PLEKHA7: variants seen among roughly 807,000 people sequenced by gnomAD.
The protein encoded by PLEKHA7 is pleckstrin homology domain containing A7.
In PLEKHA7, 104 loss-of-function variants were observed where a neutral mutation model predicts 170.0. The observed-to-expected ratio is 0.61, with a 90% confidence interval of 0.52 to 0.72. PLEKHA7 has a LOEUF of 0.72. PLEKHA7 is among the 30% of genes least tolerant of loss of function. PLEKHA7 has a pLI of 0.00. For synonymous variants in PLEKHA7, 648 were observed against 660.8 expected, an observed-to-expected ratio of 0.98 and a Z score of 0.30; for missense variants, 1,615 against 1,671.7, an observed-to-expected ratio of 0.97 and a Z score of 0.59.
chr11:16,877,165 T>C lies in PLEKHA7; in HGVS notation c.222-5983A>G, dbSNP rs551590462. On this transcript the variant is annotated intron_variant, in intron 3 of 26. Transcript: ENST00000531066. ...CCCTCTGGACCTTCTGGTTCCTCAA[T>C]GTGGCTCCCAGAACACTGTAAAAGC... Among the ~76,000 whole-genome samples the C allele has an allele frequency of 3.0e-4, 46 of 152,334 alleles. 2 individuals carry two copies. In the South Asian group the frequency reaches 8.7e-3, roughly 29 times the overall value.
rs1848820776 is a variant in PLEKHA7 at position 16,778,890 on chromosome 11, G to C, written c.*108C>G. 1 of 698,902 alleles carries C rather than the reference G, an allele frequency of 1.4e-6. No homozygotes were observed. The highest frequency in any genetic ancestry group is 1.5e-5 in the South Asian group (1 of 67,384). The allele number at this position is 698,902 out of a possible 1,614,324, so 43.3% of individuals were successfully genotyped here. ...CGGTAAGCTGCTCCTTCCTCCGGCC[G>C]GATTCCCTGCTCAGCTGGAAGGGGT... On this transcript the variant is annotated 3_prime_UTR_variant, in exon 27 of 27. Transcript: ENST00000531066.
intron 3 of PLEKHA7, among the ~76,000 whole-genome samples, chr11:16,874,211 A>G (rs1255188930): frequency 6.6e-6 from 1 of 152,194 alleles, no homozygotes; most frequent in Non-Finnish European, 1.5e-5. Context: ...GATAAATTAT[A>G]AGACTGGGAC....
Position 16,866,605 on chromosome 11 carries a change from A to C in PLEKHA7, c.305+4494T>G, listed in dbSNP as rs532376436. On this transcript the variant is annotated intron_variant, in intron 4 of 26. Transcript: ENST00000531066. Reference sequence around the variant, plus strand: ...GAAACTCTGTCTCAAAAAACAAAAAAGAGGGCAGAGCAGAGTCCATCAGGT... The same window carrying C: ...GAAACTCTGTCTCAAAAAACAAAAACGAGGGCAGAGCAGAGTCCATCAGGT... Among the ~76,000 whole-genome samples the C allele has an allele frequency of 5.3e-5, 8 of 152,336 alleles. No homozygotes were observed. In the East Asian group the frequency reaches 1.5e-3, roughly 29 times the overall value.
intron 3 of PLEKHA7, among the ~76,000 whole-genome samples, chr11:16,934,929 C>T (rs1258029835): frequency 1.3e-5 from 2 of 152,170 alleles, no homozygotes; most frequent in Non-Finnish European, 1.5e-5. Flanking sequence ...ATTTTTCATA[C>T]TTTTCTGTCC....
rs551289332 is a variant in PLEKHA7, at chr11:16,807,701, T to TA, written c.2008-4407_2008-4406insT. ...CCAGAACTGTGGTGCATCTACATGA[T>TA]TATGTCTTACCCATGGTCCCAAATG... On this transcript the variant is annotated intron_variant, in intron 13 of 26. Transcript: ENST00000531066. 4.1e-4 allele frequency among the ~76,000 whole-genome samples: 63 copies of TA among 152,324 alleles called. 1 individual carries two copies. The East Asian group carries it at 0.012, about 29-fold the overall frequency.
chr11:16,903,285 G>A (rs1857452504), intron 3 of PLEKHA7, among the ~76,000 whole-genome samples: 3 of 152,202 alleles, frequency 2.0e-5, no homozygotes, highest in Admixed American at 2.0e-4. Flanking sequence ...ATAACATTAG[G>A]TGATCAGTAG....
intron 3 of PLEKHA7, among the ~76,000 whole-genome samples, chr11:16,923,109 G>C (rs1590626956): frequency 6.6e-6 from 1 of 152,176 alleles, no homozygotes; most frequent in Non-Finnish European, 1.5e-5. Flanking sequence ...CAGTGCCCTA[G>C]GGACCCCGCT....
intron 3 of PLEKHA7, among the ~76,000 whole-genome samples, chr11:16,871,783 C>A (rs1379220594): frequency 2.6e-5 from 4 of 152,126 alleles, no homozygotes; most frequent in Non-Finnish European, 5.9e-5. Context: ...AGCTTCCACA[C>A]CAAGCTGACA....
chr11:16,891,639 G>A (rs1441601978), intron 3 of PLEKHA7, among the ~76,000 whole-genome samples: 1 of 152,158 alleles, frequency 6.6e-6, no homozygotes, highest in Non-Finnish European at 1.5e-5. Context: ...CTAGGACCTT[G>A]GGACTCACTT....
At chr11:16,924,729 T>C (rs961063402) in intron 3 of PLEKHA7, among the ~76,000 whole-genome samples, 2 of 152,106 alleles carry the variant, frequency 1.3e-5, no homozygotes, top group Non-Finnish European at 2.9e-5. Context: ...GCTTAAACCT[T>C]GCCTTGCCAA....
rs1053866525 is a variant in PLEKHA7 at position 16,779,003 on chromosome 11, G to A, written c.3811C>T (p.Pro1271Ser). 1.4e-6 allele frequency: 1 copy of A among 702,506 alleles called. No individual in the cohort carries two copies. The highest frequency in any genetic ancestry group is 1.7e-5 in the African/African-American group (1 of 57,260). 43.5% of individuals were successfully genotyped at this position (702,506 alleles called of 1,614,324 possible). ...KQVAAQAVTDP is the reference protein window; with the variant it reads ...KQVAAQAVTDS ...AGGCTTCTTTGCATGCTGGGTCACG[G>A]GTCAGTCACTGCCTGGGCTGGCAAA... Residue 1271 changes from proline to serine, a missense_variant, in exon 27 of 27, where the codon CCG becomes TCG. Physicochemically the swap from Pro to Ser is moderately conservative, Grantham distance 74. Coordinates refer to ENST00000531066, the MANE Select transcript of PLEKHA7 (RefSeq NM_001329630.2).
Position 16,851,178 on chromosome 11 carries a change from G to A in PLEKHA7, c.696+13C>T, listed in dbSNP as rs1399462237. The A allele has an allele frequency of 6.3e-7, 1 of 1,581,822 alleles. No individual in the cohort carries two copies. Among genetic ancestry groups the A allele is most frequent in the Non-Finnish European group, 8.6e-7 (1 of 1,160,722 alleles). ...TAGACAGAATGGCTGCATTAGAGGTGCAGGGGCAGTACCTTAAAGGAATAT... is the reference window on the plus strand; with the variant it reads ...TAGACAGAATGGCTGCATTAGAGGTACAGGGGCAGTACCTTAAAGGAATAT... On this transcript the variant is annotated intron_variant, in intron 8 of 26. Coordinates refer to ENST00000531066, the MANE Select transcript of PLEKHA7 (RefSeq NM_001329630.2).
chr11:16,846,121 C>T (rs912250784), intron 8 of PLEKHA7, among the ~76,000 whole-genome samples: 1 of 151,964 alleles, frequency 6.6e-6, no homozygotes, highest in Non-Finnish European at 1.5e-5. Context: ...CCAGTCTCTA[C>T]TAAAAACACA....
At chr11:16,970,497 A>G (rs1218301227) in intron 3 of PLEKHA7, among the ~76,000 whole-genome samples, 2 of 151,908 alleles carry the variant, frequency 1.3e-5, no homozygotes, top group Non-Finnish European at 2.9e-5. Flanking sequence ...TTGTCTCTGT[A>G]AAAAATAAAA....
intron 3 of PLEKHA7, among the ~76,000 whole-genome samples, chr11:16,902,802 A>G (rs1028098310): frequency 1.1e-4 from 16 of 152,192 alleles, no homozygotes; most frequent in Non-Finnish European, 7.3e-5. Context: ...ACTACCCAAC[A>G]GATGTGAGGA....
At chr11:16,890,089 G>C (rs416258) in intron 3 of PLEKHA7, among the ~76,000 whole-genome samples, 44,382 of 151,964 alleles carry the variant, frequency 0.29, 6,639 homozygotes, top group African/African-American at 0.32. Flanking sequence ...ATGTTTCCTA[G>C]ACAAGCAAAC....
chr11:16,803,798 G>C (rs9667663), intron 13 of PLEKHA7, among the ~76,000 whole-genome samples: 1 of 152,138 alleles, frequency 6.6e-6, no homozygotes, highest in East Asian at 1.9e-4. Context: ...CCACTTCCCC[G>C]TGGGTAAGGC....
chr11:16,944,127 GT>G (rs1860866788), intron 3 of PLEKHA7, among the ~76,000 whole-genome samples: 1 of 152,202 alleles, frequency 6.6e-6, no homozygotes, highest in South Asian at 2.1e-4. Context: ...GCCAAGGTGG[GT>G]GGATCACCTG....
In PLEKHA7 at chr11:16,927,667, C is replaced by T. The variant is rs537099618; in HGVS notation, c.222-56485G>A. 7.2e-5 allele frequency among the ~76,000 whole-genome samples: 11 copies of T among 152,226 alleles called. 1 individual carries two copies. The highest frequency in any genetic ancestry group is 1.5e-4 in the Non-Finnish European group (10 of 68,048). ...ACACTTTGAAGGAAGCATGCAATGACCTTGGGGACAATTTGGCAATATGAA... is the reference window on the plus strand; with the variant it reads ...ACACTTTGAAGGAAGCATGCAATGATCTTGGGGACAATTTGGCAATATGAA... On this transcript the variant is annotated intron_variant, in intron 3 of 26. Transcript: ENST00000531066.
Sources: gnomAD v4.1 joint callset for allele counts (sites outside exome capture counted in the v4.1 genomes callset) on GRCh38, gnomAD v4.1.1 for gene constraint, MANE v1.5 for transcripts, NCBI Gene and HGNC (gene_info 2026-07-23, HGNC 2026-07-21) for gene names.